LRCH1: variants seen among roughly 807,000 people sequenced by gnomAD.
LRCH1 encodes the protein leucine rich repeats and calponin homology domain containing 1.
LRCH1 carries 23 observed loss-of-function variants against 94.9 expected under a neutral mutation model. The ratio of observed to expected loss-of-function variants is 0.24; its 90% CI spans 0.17 to 0.34. The LOEUF is 0.34. Among genes scored for constraint, LRCH1 ranks in the 10% least tolerant of loss-of-function variants. The probability of loss-of-function intolerance (pLI) is 1.00; values close to 1 mark genes in which losing one functional copy is unlikely to be tolerated. For synonymous variants in LRCH1, 364 were observed against 354.9 expected (o/e 1.03, Z -0.29); for missense variants, 790 against 945.9 (o/e 0.84, Z 2.16).
chr13:46,657,346 C>A (rs1019754869), intron 2 of LRCH1, among the ~76,000 whole-genome samples: 2 of 150,266 alleles, frequency 1.3e-5, no homozygotes, highest in African/African-American at 4.9e-5. Flanking sequence ...AAGAACACTG[C>A]ACTTTACCAA....
At chr13:46,714,793 ATCATT>A (rs2138204477) in intron 15 of LRCH1, among the ~76,000 whole-genome samples, 1 of 152,346 alleles carries the variant, frequency 6.6e-6, no homozygotes, top group East Asian at 1.9e-4. Context: ...AAGAGTTGTT[ATCATT>A]TCATAAGTGA....
chr13:46,721,263 C>T (rs1197475928), intron 16 of LRCH1, among the ~76,000 whole-genome samples: 4 of 152,028 alleles, frequency 2.6e-5, no homozygotes, highest in Admixed American at 6.6e-5. Context: ...ATAAGATTAC[C>T]CCCAGAAAAA....
At chr13:46,556,601 C>A (rs1257001304) in intron 1 of LRCH1, among the ~76,000 whole-genome samples, 1 of 152,110 alleles carries the variant, frequency 6.6e-6, no homozygotes, top group Non-Finnish European at 1.5e-5. Flanking sequence ...GATCTTAGTC[C>A]CCACTAGGAG....
At chr13:46,581,106 C>T (rs537901413) in intron 1 of LRCH1, among the ~76,000 whole-genome samples, 1 of 152,292 alleles carries the variant, frequency 6.6e-6, no homozygotes, top group African/African-American at 2.4e-5. Context: ...AAAACACAGT[C>T]CCTGTGTACC....
At chr13:46,695,758 C>T (rs1339288437) in intron 9 of LRCH1, among the ~76,000 whole-genome samples, 1 of 152,226 alleles carries the variant, frequency 6.6e-6, no homozygotes, top group East Asian at 1.9e-4. Context: ...AATGGGATCC[C>T]TAAGTACTCA....
At chr13:46,635,595 C>T (rs542067586) in intron 1 of LRCH1, among the ~76,000 whole-genome samples, 3 of 151,782 alleles carry the variant, frequency 2.0e-5, no homozygotes, top group South Asian at 2.1e-4. Flanking sequence ...CTCAGCCTCC[C>T]GAGTAGCTGG....
Position 46,705,295 on chromosome 13 carries a change from G to A in LRCH1, c.1518G>A (p.Pro506=), listed in dbSNP as rs141090709. ...GTCAAATACAGCTGGAGACATCTCC[G>A]GTGTGTGAGGTAAGGCTGCTGGTAG... The part of the protein sequence containing the change: ...LNGQIQLETS[P]VCEVQSDLTL... The change falls in exon 13 of 20, where the codon CCG becomes CCA. Residue 506 remains proline (P), a synonymous_variant. Coordinates refer to ENST00000389797, the MANE Select transcript of LRCH1 (RefSeq NM_001164211.2). 44 of 1,613,028 alleles carry A rather than the reference G, an allele frequency of 2.7e-5. No individual in the cohort carries two copies. The African/African-American group carries it at 3.6e-4, about 13-fold the overall frequency.
At chr13:46,659,012 G>C (rs1452204654) in intron 2 of LRCH1, among the ~76,000 whole-genome samples, 4 of 152,076 alleles carry the variant, frequency 2.6e-5, no homozygotes, top group Admixed American at 2.0e-4. Context: ...TTAATTTGGG[G>C]CTTCACATTT....
At chr13:46,717,833 A>G (rs1247766012) in intron 16 of LRCH1, 1 of 151,944 alleles carries the variant, frequency 6.6e-6, no homozygotes, top group East Asian at 1.9e-4. Flanking sequence ...TTCCCATTCT[A>G]TCTCATTTTA....
intron 2 of LRCH1, 78 bp downstream of exon 2, chr13:46,650,423 T>C: frequency 7.6e-7 from 1 of 1,311,670 alleles, no homozygotes; most frequent in Non-Finnish European, 1.0e-6. Flanking sequence ...ATCCATTTTT[T>C]CCCCTTTTTG....
chr13:46,738,168 G>A (rs560883921), intron 19 of LRCH1, among the ~76,000 whole-genome samples: 4 of 152,338 alleles, frequency 2.6e-5, no homozygotes, highest in African/African-American at 7.2e-5. Context: ...AGCTGACAGT[G>A]GTAGCCTCCT....
rs541284612 is a variant in LRCH1 at position 46,643,050 on chromosome 13, A to G, written c.308-7151A>G. Among the ~76,000 whole-genome samples, 6 of 152,346 alleles carry G rather than the reference A, an allele frequency of 3.9e-5. No homozygotes were observed. The South Asian group carries it at 1.2e-3, about 32-fold the overall frequency. ...AATTAGAGCAATAAATAACAAAGAC[A>G]TACACAAATTCTTTATCTGCATGTA... is the stretch of plus-strand genomic sequence containing the variant. On this transcript the variant is annotated intron_variant, in intron 1 of 19. Transcript: ENST00000389797.
rs375513970 is a variant in LRCH1, at chr13:46,700,946, C to T, written c.1314-175C>T. Reference sequence around the variant, plus strand: ...GCTTCCCCTACTCGGGCTCTTCCCACCGTGCTCTGCCATCCCACCCCACAA... The same window carrying T: ...GCTTCCCCTACTCGGGCTCTTCCCATCGTGCTCTGCCATCCCACCCCACAA... On this transcript the variant is annotated intron_variant, in intron 10 of 19. Coordinates refer to ENST00000389797, the MANE Select transcript of LRCH1 (RefSeq NM_001164211.2). Among the ~76,000 whole-genome samples the T allele has an allele frequency of 8.5e-5, 13 of 152,340 alleles. 1 individual carries two copies. In the East Asian group the frequency reaches 2.5e-3, roughly 29 times the overall value.
At chr13:46,669,969 G>C (rs1034772851) in intron 3 of LRCH1, among the ~76,000 whole-genome samples, 1 of 152,174 alleles carries the variant, frequency 6.6e-6, no homozygotes, top group Non-Finnish European at 1.5e-5. Flanking sequence ...TTCCAGTCTA[G>C]AACAATGATG....
chr13:46,692,755 A>C, intron 8 of LRCH1, 114 bp downstream of exon 8: 2 of 718,802 alleles, frequency 2.8e-6, no homozygotes, highest in Non-Finnish European at 4.6e-6. Context: ...TGTCCTATGT[A>C]CCAGGTACTG....
chr13:46,749,324 A>C (rs1874032062), downstream of LRCH1, among the ~76,000 whole-genome samples: 1 of 152,222 alleles, frequency 6.6e-6, no homozygotes, highest in South Asian at 2.1e-4. Flanking sequence ...TAATACGTGG[A>C]ATCTAAAAAC....
At chr13:46,726,982 C>T (rs867894790) in intron 17 of LRCH1, among the ~76,000 whole-genome samples, 13 of 151,264 alleles carry the variant, frequency 8.6e-5, no homozygotes, top group East Asian at 1.9e-4. Flanking sequence ...ATTCCAAGGA[C>T]GAGGAAGATC....
At chr13:46,734,067 A>T in intron 19 of LRCH1, 69 bp downstream of exon 19, 1 of 754,722 alleles carries the variant, frequency 1.3e-6, no homozygotes, top group Non-Finnish European at 2.2e-6. Context: ...AGTTTGAACC[A>T]TTGAATCGAT....
chr13:46,615,776 C>T (rs779398197), intron 1 of LRCH1, among the ~76,000 whole-genome samples: 1 of 152,156 alleles, frequency 6.6e-6, no homozygotes, highest in African/African-American at 2.4e-5. Flanking sequence ...CATGTACAGA[C>T]GTGCCCAGCT....
Sources: allele counts gnomAD v4.1 joint callset (sites outside exome capture counted in the v4.1 genomes callset), GRCh38; gene constraint gnomAD v4.1.1; transcripts MANE v1.5; gene names NCBI Gene and HGNC (gene_info 2026-07-23, HGNC 2026-07-21).